The following FGF13 variants were observed in gnomAD, a reference collection of about 807,000 sequenced individuals.
FGF13 encodes fibroblast growth factor homologous factor 2.
A neutral mutation model predicts 19.5 loss-of-function variants in FGF13; 2 were observed. The ratio of observed to expected loss-of-function variants is 0.10; its 90% CI spans 0.04 to 0.32. The LOEUF (loss-of-function observed/expected upper bound fraction) is 0.32, where lower values mean the gene tolerates loss of function less well. FGF13 is among the 10% of genes least tolerant of loss of function. The pLI, the probability that FGF13 is intolerant of heterozygous loss-of-function variation, is 1.00. For synonymous variants in FGF13, 72 were observed against 76.9 expected, an observed-to-expected ratio of 0.94 and a Z score of 0.33; for missense variants, 113 against 192.7, an observed-to-expected ratio of 0.59 and a Z score of 2.45.
rs751164927 is a variant in FGF13 at position 138,921,678 on chromosome X, A to G, written c.-112-57028T>C. Among the ~76,000 whole-genome samples the G allele has an allele frequency of 3.6e-5, 4 of 111,410 alleles. No homozygotes were observed. In the South Asian group the frequency reaches 1.5e-3, roughly 42 times the overall value. On this transcript the variant is annotated intron_variant, in intron 1 of 2. Coordinates refer to the FGF13 transcript ENST00000421460. ...GATTTACAAGAAGACAGTCAATATTATGGGGCAGCTTGATTGCTATCCTGC... is the reference window on the plus strand; with the variant it reads ...GATTTACAAGAAGACAGTCAATATTGTGGGGCAGCTTGATTGCTATCCTGC...
At chrX:139,062,266 A>AT (rs1232706330) in intron 1 of FGF13, among the ~76,000 whole-genome samples, 3 of 110,846 alleles carry the variant, frequency 2.7e-5, no homozygotes, top group Non-Finnish European at 5.7e-5. Context: ...ATCTTGTTTC[A>AT]TTTTTTTGCA....
chrX:139,196,208 T>C (rs1205186892), intron 1 of FGF13, among the ~76,000 whole-genome samples: 1 of 111,665 alleles, frequency 9.0e-6, no homozygotes, highest in East Asian at 2.8e-4. Context: ...TACTCAACAG[T>C]GAATTAAGAG....
intron 1 of FGF13, among the ~76,000 whole-genome samples, chrX:139,152,913 C>A (rs1218658751): frequency 2.7e-5 from 3 of 110,487 alleles, no homozygotes; most frequent in East Asian, 5.7e-4. Flanking sequence ...TTTGACCTTC[C>A]CCCACTCCTA....
intron 1 of FGF13, among the ~76,000 whole-genome samples, chrX:139,032,222 A>C (rs775152889): frequency 8.9e-6 from 1 of 112,159 alleles, no homozygotes; most frequent in Non-Finnish European, 1.9e-5. Context: ...ACATTTGCTA[A>C]TGCCAAATAT....
chrX:138,788,995 CA>C (rs2090717139), intron 3 of FGF13, among the ~76,000 whole-genome samples: 1 of 111,307 alleles, frequency 9.0e-6, no homozygotes, highest in Non-Finnish European at 1.9e-5. Flanking sequence ...CCACCTTCCA[CA>C]AAACACCAAA....
chrX:138,699,602 T>C (rs753892001), intron 3 of FGF13, among the ~76,000 whole-genome samples: 2 of 111,968 alleles, frequency 1.8e-5, no homozygotes, highest in East Asian at 2.8e-4. Flanking sequence ...ACCCACAACA[T>C]ATGAAACATT....
intron 1 of FGF13, among the ~76,000 whole-genome samples, chrX:139,103,786 T>C (rs1232493774): frequency 5.4e-5 from 6 of 111,832 alleles, no homozygotes; most frequent in Non-Finnish European, 7.5e-5. Flanking sequence ...AGACTGAGAA[T>C]TGAATAACAT....
intron 3 of FGF13, among the ~76,000 whole-genome samples, chrX:138,749,573 G>T (rs1165908782): frequency 9.0e-6 from 1 of 111,396 alleles, no homozygotes; most frequent in East Asian, 2.8e-4. Flanking sequence ...TTGGGAGGGT[G>T]AAAATGTGCT....
intron 1 of FGF13, among the ~76,000 whole-genome samples, chrX:138,924,317 G>A (rs746650807): frequency 3.6e-5 from 4 of 111,279 alleles, no homozygotes; most frequent in Non-Finnish European, 7.5e-5. Context: ...TGTCAGACAG[G>A]TTTTTCCCAC....
intron 2 of FGF13, among the ~76,000 whole-genome samples, chrX:138,864,218 C>T (rs1377584054): frequency 1.8e-5 from 2 of 112,500 alleles, no homozygotes; most frequent in Non-Finnish European, 3.8e-5. Flanking sequence ...CCTGGAAACA[C>T]TTTTTTGACC....
At chrX:139,077,545 C>T (rs1219070130) in intron 1 of FGF13, among the ~76,000 whole-genome samples, 1 of 111,385 alleles carries the variant, frequency 9.0e-6, no homozygotes, top group Non-Finnish European at 1.9e-5. Flanking sequence ...GCATAAATAT[C>T]CAGTAGCTAC....
intron 1 of FGF13, among the ~76,000 whole-genome samples, chrX:139,177,368 T>A (rs1183360503): frequency 9.2e-6 from 1 of 108,700 alleles, no homozygotes; most frequent in Admixed American, 9.9e-5. Flanking sequence ...GTCTTGACTC[T>A]TTATCCAATT....
At chrX:138,707,303 C>T (rs73565518) in intron 2 of FGF13, among the ~76,000 whole-genome samples, 3,600 of 110,563 alleles carry the variant, frequency 0.033, 142 homozygotes, top group African/African-American at 0.1. Flanking sequence ...CACATGTGAA[C>T]ACCAGATCCA....
chrX:139,090,979 T>C (rs755893283), intron 1 of FGF13, among the ~76,000 whole-genome samples: 1 of 105,636 alleles, frequency 9.5e-6, no homozygotes, highest in South Asian at 4.3e-4. Context: ...GTGTACAGTG[T>C]ATTCTTGGTT....
chrX:139,198,937 G>C (rs917027081), intron 1 of FGF13, among the ~76,000 whole-genome samples: 4 of 112,347 alleles, frequency 3.6e-5, no homozygotes, highest in Non-Finnish European at 7.5e-5. Flanking sequence ...TCAAAAAAGT[G>C]ATAAAATGCC....
chrX:138,857,760 G>T lies in FGF13; in HGVS notation c.-38-81C>A, dbSNP rs191732494. 1.2e-4 allele frequency: 103 copies of T among 837,629 alleles called. No individual in the cohort carries two copies. The African/African-American group carries it at 1.8e-3, about 15-fold the overall frequency. The allele number at this position is 837,629 out of a possible 1,213,427, so 69.0% of individuals were successfully genotyped here. A position where few individuals can be genotyped will look rare whatever the true frequency, so the allele number is the denominator to read the frequency against. ...ATGTCTTAAATCAAATATACTCCCA[G>T]GGAAGACTAAAGAAACAACAGCCCT... On this transcript the variant is annotated intron_variant, in intron 2 of 2. Transcript: ENST00000421460.
intron 3 of FGF13, among the ~76,000 whole-genome samples, chrX:138,769,118 C>T (rs2090526024): frequency 9.0e-6 from 1 of 111,393 alleles, no homozygotes; most frequent in Non-Finnish European, 1.9e-5. Flanking sequence ...CATAACTGAT[C>T]CATGACTACT....
At chrX:138,996,409 C>G (rs765430955) in intron 1 of FGF13, among the ~76,000 whole-genome samples, 1 of 113,145 alleles carries the variant, frequency 8.8e-6, no homozygotes, top group South Asian at 3.6e-4. Flanking sequence ...CCCACTCCCA[C>G]GGAGCCCAGC....
intron 3 of FGF13, among the ~76,000 whole-genome samples, chrX:138,800,373 C>A (rs1271929780): frequency 9.0e-6 from 1 of 111,553 alleles, no homozygotes; most frequent in African/African-American, 3.3e-5. Flanking sequence ...GTTGAAAAGT[C>A]TTTTCTTTAA....
Sources: gnomAD v4.1 joint callset for allele counts (sites outside exome capture counted in the v4.1 genomes callset) on GRCh38, gnomAD v4.1.1 for gene constraint, MANE v1.5 for transcripts, NCBI Gene and HGNC (gene_info 2026-07-23, HGNC 2026-07-21) for gene names.